CTNNA3: variants seen among roughly 807,000 people sequenced by gnomAD.
The protein encoded by CTNNA3 is catenin alpha-3.
Under a neutral mutation model 95.7 loss-of-function variants are expected in CTNNA3, and 76 were observed. The ratio of observed to expected loss-of-function variants is 0.79; its 90% confidence interval spans 0.66 to 0.96. CTNNA3 has a LOEUF of 0.96. Ranked by LOEUF, CTNNA3 falls within the 40% of genes least tolerant of loss-of-function variation. The pLI, the probability that CTNNA3 is intolerant of heterozygous loss-of-function variation, is 0.00. For synonymous variants in CTNNA3, 431 were observed against 374.4 expected (o/e 1.15, Z -1.74); for missense variants, 1,191 against 1,089.8 (o/e 1.09, Z -1.31).
At chr10:67,449,649 A>C (rs1197518149) in intron 5 of CTNNA3, among the ~76,000 whole-genome samples, 2 of 152,198 alleles carry the variant, frequency 1.3e-5, no homozygotes, top group Non-Finnish European at 2.9e-5. Context: ...CACCATATAC[A>C]AAAATCAACT....
chr10:66,372,530 T>C (rs1179363681), intron 12 of CTNNA3, among the ~76,000 whole-genome samples: 1 of 152,150 alleles, frequency 6.6e-6, no homozygotes, highest in African/African-American at 2.4e-5. Context: ...CCCATGCCAA[T>C]TCATCTCCAC....
intron 9 of CTNNA3, among the ~76,000 whole-genome samples, chr10:66,762,332 C>T (rs1483487999): frequency 6.6e-6 from 1 of 152,020 alleles, no homozygotes; most frequent in African/African-American, 2.4e-5. Flanking sequence ...CTGACGACTT[C>T]TTATCCTTCC....
At chr10:67,694,925 G>T (rs560513956) in intron 1 of CTNNA3, among the ~76,000 whole-genome samples, 1 of 152,250 alleles carries the variant, frequency 6.6e-6, no homozygotes, top group East Asian at 1.9e-4. Flanking sequence ...TAACAAATGG[G>T]AATAACTTTG....
intron 5 of CTNNA3, among the ~76,000 whole-genome samples, chr10:67,288,503 A>G (rs1377413667): frequency 6.6e-6 from 1 of 152,196 alleles, no homozygotes; most frequent in Non-Finnish European, 1.5e-5. Context: ...TGTACTGCAT[A>G]TTATCTGTGC....
chr10:67,000,773 C>CTATG (rs546720581), intron 7 of CTNNA3, among the ~76,000 whole-genome samples: 8 of 152,146 alleles, frequency 5.3e-5, no homozygotes, highest in African/African-American at 1.9e-4. Flanking sequence ...CAATAAAATT[C>CTATG]TATGGGGAGC....
Position 67,206,656 on chromosome 10 carries a change from C to T in CTNNA3, c.843+12951G>A, listed in dbSNP as rs73262298. ...GCACTTCCACTTAGGGAAGAAAAGA[C>T]CTTCAAAAAAAAAAAAATTAAGAGT... On this transcript the variant is annotated intron_variant, in intron 6 of 17. Transcript: ENST00000433211. Among the ~76,000 whole-genome samples the T allele has an allele frequency of 5.9e-3, 878 of 148,620 alleles. 5 individuals are homozygous for T. Among genetic ancestry groups the T allele is most frequent in the South Asian group, 0.019 (89 of 4,586 alleles).
At chr10:66,188,954 T>G (rs1017221718) in intron 13 of CTNNA3, among the ~76,000 whole-genome samples, 2 of 152,136 alleles carry the variant, frequency 1.3e-5, no homozygotes, top group African/African-American at 4.8e-5. Flanking sequence ...GTTGTGGTGT[T>G]GACTTGCATT....
chr10:67,451,535 T>A (rs1846981583), intron 5 of CTNNA3, among the ~76,000 whole-genome samples: 1 of 152,016 alleles, frequency 6.6e-6, no homozygotes, highest in Admixed American at 6.6e-5. Context: ...AACAGACAAT[T>A]CATGAAAGAG....
intron 15 of CTNNA3, among the ~76,000 whole-genome samples, chr10:66,035,152 T>G (rs1341401660): frequency 6.6e-6 from 1 of 152,126 alleles, no homozygotes; most frequent in South Asian, 2.1e-4. Context: ...CAGCATATCT[T>G]TGTAGTCCAA....
chr10:66,651,914 T>G (rs1845920871), intron 9 of CTNNA3, among the ~76,000 whole-genome samples: 1 of 151,388 alleles, frequency 6.6e-6, no homozygotes, highest in African/African-American at 2.4e-5. Context: ...AAAAGGCTCC[T>G]CAAATGGTGG....
In CTNNA3 at chr10:66,581,390, G is replaced by A. The variant is rs556099465; in HGVS notation, c.1374+40302C>T. Among the ~76,000 whole-genome samples the A allele has an allele frequency of 1.8e-3, 264 of 144,166 alleles. 7 individuals are homozygous for A. The highest frequency in any genetic ancestry group is 4.4e-4 in the Non-Finnish European group (29 of 65,584). 94.6% of individuals were successfully genotyped at this position (144,166 alleles called of 152,430 possible). The stretch of plus-strand genomic sequence containing the variant: ...CATATAAGTGTTCCTCTTTCACCAC[G>A]TCCACCCGAGCATCTTTTGGGGATT... On this transcript the variant is annotated intron_variant, in intron 10 of 17. Transcript: ENST00000433211.
intron 12 of CTNNA3, among the ~76,000 whole-genome samples, chr10:66,352,964 TTTTA>T (rs2092578449): frequency 6.6e-6 from 1 of 152,020 alleles, no homozygotes; most frequent in Admixed American, 6.6e-5. Flanking sequence ...ATGAAGCAAG[TTTTA>T]TTTCTCAAGC....
chr10:67,198,772 G>C (rs763946112), intron 6 of CTNNA3, among the ~76,000 whole-genome samples: 4 of 152,142 alleles, frequency 2.6e-5, no homozygotes, highest in African/African-American at 4.8e-5. Flanking sequence ...TACACTGTTT[G>C]GATCTTTTTG....
At chr10:66,221,677 A>G (rs1056846940) in intron 13 of CTNNA3, among the ~76,000 whole-genome samples, 2 of 152,226 alleles carry the variant, frequency 1.3e-5, no homozygotes, top group Non-Finnish European at 2.9e-5. Flanking sequence ...TCCATTTAAC[A>G]ATGACAAGAA....
chr10:66,560,363 C>T, intron 10 of CTNNA3, among the ~76,000 whole-genome samples: 1 of 147,946 alleles, frequency 6.8e-6, no homozygotes, highest in East Asian at 1.9e-4. Flanking sequence ...GAATTGCCTA[C>T]AAAGCACTTG....
chr10:66,689,161 G>C (rs893396970), intron 9 of CTNNA3, among the ~76,000 whole-genome samples: 2 of 152,022 alleles, frequency 1.3e-5, no homozygotes, highest in Admixed American at 1.3e-4. Flanking sequence ...AGGAGAACTT[G>C]GGGCAAGCCT....
chr10:66,457,757 G>A (rs77714942), intron 11 of CTNNA3, among the ~76,000 whole-genome samples: 2,266 of 152,012 alleles, frequency 0.015, 167 homozygotes, highest in Admixed American at 0.12. Context: ...CAAAAATAGC[G>A]AGTAATGTGA....
At chr10:67,748,260 G>GC (rs1227211878) in intron 1 of CTNNA3, among the ~76,000 whole-genome samples, 1 of 151,996 alleles carries the variant, frequency 6.6e-6, no homozygotes, top group Non-Finnish European at 1.5e-5. Flanking sequence ...GAGAACCCCA[G>GC]CAAGATACTC....
intron 5 of CTNNA3, among the ~76,000 whole-genome samples, chr10:67,451,311 T>C (rs544777666): frequency 5.7e-4 from 87 of 152,040 alleles, no homozygotes; most frequent in Non-Finnish European, 8.5e-4. Context: ...TATTCTGTTA[T>C]AGCAGGAGAA....
Sources: allele counts gnomAD v4.1 joint callset (sites outside exome capture counted in the v4.1 genomes callset), GRCh38; gene constraint gnomAD v4.1.1; transcripts MANE v1.5; gene names NCBI Gene and HGNC (gene_info 2026-07-23, HGNC 2026-07-21).